The following CHCHD3 variants were observed in gnomAD, a reference collection of about 807,000 sequenced individuals.
The protein encoded by CHCHD3 is MICOS complex subunit MIC19.
CHCHD3 carries 20 observed loss-of-function variants against 38.2 expected under a neutral mutation model. The observed-to-expected ratio is 0.52, with a 90% CI of 0.37 to 0.76. The LOEUF (loss-of-function observed/expected upper bound fraction) is 0.76. Among genes scored for constraint, CHCHD3 ranks in the 30% least tolerant of loss-of-function variants. CHCHD3 has a pLI of 0.00. For synonymous variants in CHCHD3, 82 were observed against 100.0 expected (o/e 0.82, Z 1.07); for missense variants, 245 against 279.2 (o/e 0.88, Z 0.87).
chr7:132,956,688 C>T (rs1291463871), intron 4 of CHCHD3, among the ~76,000 whole-genome samples: 3 of 152,222 alleles, frequency 2.0e-5, no homozygotes, highest in Non-Finnish European at 4.4e-5. Flanking sequence ...TATTTACTCA[C>T]TATCTCACTC....
intron 6 of CHCHD3, among the ~76,000 whole-genome samples, chr7:132,831,711 T>C (rs1012595647): frequency 6.6e-6 from 1 of 152,206 alleles, no homozygotes; most frequent in Non-Finnish European, 1.5e-5. Context: ...TTTAAGACTA[T>C]TAATCAGAGT....
chr7:132,795,346 C>A (rs1172706113), intron 7 of CHCHD3, among the ~76,000 whole-genome samples: 1 of 152,156 alleles, frequency 6.6e-6, no homozygotes, highest in African/African-American at 2.4e-5. Flanking sequence ...GCAACATTAC[C>A]TGTACCAAAG....
chr7:132,851,008 T>C (rs2117115969), intron 5 of CHCHD3, among the ~76,000 whole-genome samples: 1 of 152,328 alleles, frequency 6.6e-6, no homozygotes, highest in Admixed American at 6.5e-5. Context: ...CTTGTAAAAG[T>C]TTATTCTGAC....
At chr7:133,045,666 A>G (rs1189714600) in intron 2 of CHCHD3, among the ~76,000 whole-genome samples, 1 of 152,130 alleles carries the variant, frequency 6.6e-6, no homozygotes, top group Non-Finnish European at 1.5e-5. Flanking sequence ...CTCGCAACAT[A>G]TGTATATGCT....
At chr7:133,060,274 AG>A (rs887216216) in intron 2 of CHCHD3, among the ~76,000 whole-genome samples, 24 of 152,216 alleles carry the variant, frequency 1.6e-4, no homozygotes. Context: ...CACCAAAGCA[AG>A]GGGGAGTGCT....
At chr7:132,853,358 C>A (rs569548420) in intron 5 of CHCHD3, among the ~76,000 whole-genome samples, 1 of 152,076 alleles carries the variant, frequency 6.6e-6, no homozygotes, top group Non-Finnish European at 1.5e-5. Context: ...TTAAGAACTA[C>A]GGTGTAATCC....
intron 2 of CHCHD3, among the ~76,000 whole-genome samples, chr7:133,032,513 A>C (rs531811272): frequency 6.6e-6 from 1 of 152,272 alleles, no homozygotes; most frequent in South Asian, 2.1e-4. Context: ...ACCTTTGTAA[A>C]TTTCTCATCT....
At chr7:133,057,719 T>G (rs944524255) in intron 2 of CHCHD3, among the ~76,000 whole-genome samples, 5 of 152,212 alleles carry the variant, frequency 3.3e-5, no homozygotes, top group African/African-American at 1.2e-4. Flanking sequence ...ATAGTGCCTA[T>G]GTCAGTAGAG....
intron 5 of CHCHD3, among the ~76,000 whole-genome samples, chr7:132,839,031 A>T (rs1008283202): frequency 1.4e-5 from 2 of 146,332 alleles, no homozygotes; most frequent in African/African-American, 5.0e-5. Flanking sequence ...TCTCTACTTT[A>T]AAAAAAAAAA....
At chr7:132,915,828 ACTT>A (rs1810088857) in intron 4 of CHCHD3, among the ~76,000 whole-genome samples, 2 of 151,992 alleles carry the variant, frequency 1.3e-5, no homozygotes, top group South Asian at 4.2e-4. Context: ...CAATCCTTGA[ACTT>A]CTTCGTTAAT....
At chr7:133,048,764 C>A (rs936582568) in intron 2 of CHCHD3, among the ~76,000 whole-genome samples, 1 of 152,096 alleles carries the variant, frequency 6.6e-6, no homozygotes, top group East Asian at 1.9e-4. Context: ...TGCAAATACT[C>A]CCCCCAAGCG....
At chr7:133,004,916 A>G (rs1812661770) in intron 3 of CHCHD3, among the ~76,000 whole-genome samples, 1 of 152,184 alleles carries the variant, frequency 6.6e-6, no homozygotes, top group African/African-American at 2.4e-5. Flanking sequence ...AGTTTATTCC[A>G]AAGATTATAG....
intron 6 of CHCHD3, among the ~76,000 whole-genome samples, chr7:132,799,291 C>T (rs56009006): frequency 0.027 from 4,160 of 152,188 alleles, 82 homozygotes; most frequent in Non-Finnish European, 0.045. Flanking sequence ...AATGAGATTG[C>T]TGTCTAACAT....
chr7:132,946,134 T>C (rs904063179), intron 4 of CHCHD3, among the ~76,000 whole-genome samples: 2 of 151,730 alleles, frequency 1.3e-5, no homozygotes, highest in Admixed American at 1.3e-4. Context: ...CATTAAGGAA[T>C]AATTCAATTT....
chr7:132,884,195 G>A (rs74809829), intron 5 of CHCHD3, among the ~76,000 whole-genome samples: 3,350 of 152,002 alleles, frequency 0.022, 145 homozygotes, highest in African/African-American at 0.077. Context: ...CCAAGTTCAC[G>A]CCTGCTTCAC....
At chr7:132,912,298 T>C (rs1294554615) in intron 4 of CHCHD3, among the ~76,000 whole-genome samples, 1 of 152,174 alleles carries the variant, frequency 6.6e-6, no homozygotes, top group Admixed American at 6.5e-5. Context: ...ATGGAAACAA[T>C]TTCTGGTTAG....
intron 6 of CHCHD3, chr7:132,830,821 G>GT (rs2117083566): frequency 6.6e-6 from 1 of 152,224 alleles, no homozygotes; most frequent in Admixed American, 6.5e-5. Context: ...TTCTAAAGAC[G>GT]TAATTGTAAC....
At chr7:132,910,442 A>G (rs1263662317) in intron 4 of CHCHD3, among the ~76,000 whole-genome samples, 1 of 152,176 alleles carries the variant, frequency 6.6e-6, no homozygotes, top group East Asian at 1.9e-4. Flanking sequence ...TTTATTCCTT[A>G]ACTTTCTTAT....
intron 4 of CHCHD3, among the ~76,000 whole-genome samples, chr7:132,955,186 G>GTGTGTGTGTGTA (rs1414502907): frequency 1.8e-3 from 264 of 150,140 alleles, no homozygotes; most frequent in African/African-American, 6.2e-3. Context: ...GTGTGTGTGT[G>GTGTGTGTGTGTA]TGTGTGTGTG....
Sources: allele counts gnomAD v4.1 joint callset (sites outside exome capture counted in the v4.1 genomes callset), GRCh38; gene constraint gnomAD v4.1.1; transcripts MANE v1.5; gene names NCBI Gene and HGNC (gene_info 2026-07-23, HGNC 2026-07-21).